CCDC69: variants seen among roughly 807,000 people sequenced by gnomAD.
CCDC69 encodes the protein coiled-coil domain-containing protein 69.
In CCDC69, 38 loss-of-function variants were observed where a neutral mutation model predicts 40.3. The ratio of observed to expected loss-of-function variants is 0.94; its 90% confidence interval spans 0.73 to 1.24. CCDC69 has a LOEUF of 1.24. CCDC69 is among the 50% of genes most tolerant of loss of function. The probability of loss-of-function intolerance (pLI) is 0.00; values close to 1 mark genes in which losing one functional copy is unlikely to be tolerated. For synonymous variants in CCDC69, 141 were observed against 138.9 expected (o/e 1.02, Z -0.11); for missense variants, 389 against 357.9 (o/e 1.09, Z -0.70).
At position 151,198,448 on chromosome 5, in the gene CCDC69, C is replaced by A. The variant is rs146792186; in HGVS notation, c.319+549G>T. On this transcript the variant is annotated intron_variant, in intron 4 of 8. Coordinates refer to ENST00000355417, the MANE Select transcript of CCDC69 (RefSeq NM_015621.3). The stretch of plus-strand genomic sequence containing the variant: ...CAGGTTAGTCTTGAACTCCTGGGCT[C>A]AAGCAATCTATCCACCTTGGACTCT... Among the ~76,000 whole-genome samples, 418 of 152,274 alleles carry A rather than the reference C, an allele frequency of 2.7e-3. 3 individuals carry two copies. Among genetic ancestry groups the A allele is most frequent in the African/African-American group, 9.7e-3 (403 of 41,544 alleles).
intron 5 of CCDC69, among the ~76,000 whole-genome samples, chr5:151,186,802 G>C (rs1024350478): frequency 1.3e-5 from 2 of 152,094 alleles, no homozygotes; most frequent in Non-Finnish European, 2.9e-5. Context: ...TGGCTCACTG[G>C]CTTCCACTCT....
intron 2 of CCDC69, among the ~76,000 whole-genome samples, chr5:151,203,236 G>A (rs1433479736): frequency 2.0e-5 from 3 of 151,902 alleles, no homozygotes; most frequent in South Asian, 2.1e-4. Flanking sequence ...TAGGCCAGGC[G>A]CGATGGCTCA....
chr5:151,183,552 C>T lies in CCDC69; in HGVS notation c.776G>A (p.Arg259Gln), dbSNP rs1350058011. The change falls in exon 9 of 9, where the codon CGA (arginine) becomes CAA (glutamine). Residue 259 changes from arginine to glutamine, a missense_variant. Coordinates refer to ENST00000355417, the MANE Select transcript of CCDC69 (RefSeq NM_015621.3). ...EALEKEVQLR[R>Q]QLQQEKEELL... ...CTCCTCCTTCTCCTGCTGGAGCTGTCGCCGCAGCTGCACCTCCTTCTCCAG... is the reference window on the plus strand; with the variant it reads ...CTCCTCCTTCTCCTGCTGGAGCTGTTGCCGCAGCTGCACCTCCTTCTCCAG... 2 of 1,611,606 alleles carry T rather than the reference C, an allele frequency of 1.2e-6. No homozygotes were observed. Among genetic ancestry groups the T allele is most frequent in the Non-Finnish European group, 8.5e-7 (1 of 1,179,272 alleles).
At chr5:151,203,581 AAT>A (rs1332926692) in intron 2 of CCDC69, among the ~76,000 whole-genome samples, 11 of 143,190 alleles carry the variant, frequency 7.7e-5, no homozygotes, top group Non-Finnish European at 1.4e-4. Context: ...ATATATAGTA[AAT>A]ATATATATTT....
At chr5:151,187,274 C>A in intron 5 of CCDC69, 112 bp downstream of exon 5, 5 of 858,138 alleles carry the variant, frequency 5.8e-6, no homozygotes, top group Non-Finnish European at 9.7e-6. Context: ...CACCTCAGCC[C>A]CTCACTCCTA....
At chr5:151,199,748 G>C (rs900829093) in intron 3 of CCDC69, among the ~76,000 whole-genome samples, 23 of 152,026 alleles carry the variant, frequency 1.5e-4, no homozygotes, top group African/African-American at 5.3e-4. Context: ...ACAATACCTG[G>C]GGCCCTTACA....
intron 7 of CCDC69, 61 bp from the exon 8 acceptor site, chr5:151,184,502 C>A: frequency 2.0e-6 from 2 of 1,023,358 alleles, no homozygotes; most frequent in South Asian, 1.3e-5. Flanking sequence ...TGTGTGCTGT[C>A]ACCTCCCTCT....
At position 151,183,428 on chromosome 5, in the gene CCDC69, C is replaced by G; in HGVS notation, c.*9G>C. The G allele has an allele frequency of 6.3e-7, 1 of 1,596,982 alleles. No homozygotes were observed. Among genetic ancestry groups the G allele is most frequent in the Non-Finnish European group, 8.5e-7 (1 of 1,173,366 alleles). On this transcript the variant is annotated 3_prime_UTR_variant, in exon 9 of 9. Transcript: ENST00000355417. ...CTTCAGGCGTCGTGGTGGGCCCAGG[C>G]CCTGCACCCTATGTGGCGAGGAAAG...
At chr5:151,216,929 G>C (rs1753052650) in intron 1 of CCDC69, among the ~76,000 whole-genome samples, 1 of 152,116 alleles carries the variant, frequency 6.6e-6, no homozygotes, top group Admixed American at 6.5e-5. Flanking sequence ...AGGTTGGGAA[G>C]GACGTGTGTG....
rs371392194 is a variant in CCDC69, at chr5:151,223,979, G to A, written c.-9C>T. 61 of 1,552,130 alleles carry A rather than the reference G, an allele frequency of 3.9e-5. No homozygotes were observed. The highest frequency in any genetic ancestry group is 4.5e-5 in the Non-Finnish European group (52 of 1,155,522). On this transcript the variant is annotated 5_prime_UTR_variant, in exon 1 of 9. Coordinates refer to ENST00000355417, the MANE Select transcript of CCDC69 (RefSeq NM_015621.3). ...CTGTGTCTGCAGCCCATCCTCCTCC[G>A]GGGGCTCCCGGACGCCGCTTCCCAA...
intron 1 of CCDC69, among the ~76,000 whole-genome samples, chr5:151,218,546 A>C (rs971084260): frequency 2.6e-5 from 4 of 152,204 alleles, no homozygotes; most frequent in African/African-American, 9.7e-5. Context: ...TGAATTTCAT[A>C]CTGAGACCCC....
chr5:151,220,704 G>A (rs771636570), intron 1 of CCDC69, among the ~76,000 whole-genome samples: 11 of 152,090 alleles, frequency 7.2e-5, no homozygotes, highest in East Asian at 1.9e-4. Flanking sequence ...CACAGCCTTC[G>A]GGAATGGAGA....
In CCDC69 at chr5:151,223,922, C is replaced by T; in HGVS notation, c.48+1G>A. On this transcript the variant is annotated splice_donor_variant, in intron 1 of 8. Coordinates refer to ENST00000355417, the MANE Select transcript of CCDC69 (RefSeq NM_015621.3). LOFTEE classifies it high-confidence loss of function. ...CAAACTTCTCCGCCGGCGCCCTTTA[C>T]CTTTTTCGGGGGTTTGCAGCTGCTC... is the stretch of plus-strand genomic sequence containing the variant. 6.3e-7 allele frequency: 1 copy of T among 1,586,916 alleles called. No homozygotes were observed. Among genetic ancestry groups the T allele is most frequent in the Non-Finnish European group, 8.6e-7 (1 of 1,168,618 alleles).
chr5:151,194,704 C>T (rs1752669700), intron 4 of CCDC69, among the ~76,000 whole-genome samples: 1 of 152,004 alleles, frequency 6.6e-6, no homozygotes, highest in African/African-American at 2.4e-5. Context: ...ACCAGCCTGA[C>T]CAAGATGGTG....
intron 4 of CCDC69, among the ~76,000 whole-genome samples, chr5:151,193,547 A>G (rs1343619235): frequency 2.6e-5 from 4 of 151,676 alleles, no homozygotes; most frequent in Non-Finnish European, 5.9e-5. Context: ...AAGACAGGAG[A>G]GGAGAGGAGA....
rs1196583284 is a variant in CCDC69 at position 151,182,897 on chromosome 5, C to A, written c.*540G>T. The A allele has an allele frequency of 8.0e-6, 3 of 377,186 alleles. No homozygotes were observed. The highest frequency in any genetic ancestry group is 1.5e-4 in the East Asian group (2 of 13,654). The allele number at this position is 377,186 out of a possible 1,614,324, so 23.4% of individuals were successfully genotyped here. ...TTGCGGGGTTTGTCCACACTCCCCCCAACCCCTACTCTGGCCTTCAGACAA... is the reference window on the plus strand; with the variant it reads ...TTGCGGGGTTTGTCCACACTCCCCCAAACCCCTACTCTGGCCTTCAGACAA... On this transcript the variant is annotated 3_prime_UTR_variant, in exon 9 of 9. Transcript: ENST00000355417.
Position 151,201,692 on chromosome 5 carries a change from GA to G in CCDC69, c.125-5del. On this transcript the variant is annotated splice_region_variant and splice_polypyrimidine_tract_variant and intron_variant, in intron 2 of 8. Transcript: ENST00000355417. ...GCACAGAGCTGGACAGTTATAGCTA[GA>G]GATGAAAAAGCAAAAAAATAAAAAT... 1 of 1,586,338 alleles carries G rather than the reference GA, an allele frequency of 6.3e-7. No individual in the cohort carries two copies. The highest frequency in any genetic ancestry group is 8.6e-7 in the Non-Finnish European group (1 of 1,167,154).
Position 151,182,947 on chromosome 5 carries a change from C to T in CCDC69, c.*490G>A, listed in dbSNP as rs984571756. On this transcript the variant is annotated 3_prime_UTR_variant, in exon 9 of 9. Coordinates refer to ENST00000355417, the MANE Select transcript of CCDC69 (RefSeq NM_015621.3). ...ATCCTAGAATGGGACACTGCAGTGACATAAGAGTCCTTTGACCAGTCCCCC... is the reference window on the plus strand; with the variant it reads ...ATCCTAGAATGGGACACTGCAGTGATATAAGAGTCCTTTGACCAGTCCCCC... 8 of 434,098 alleles carry T rather than the reference C, an allele frequency of 1.8e-5. No homozygotes were observed. The highest frequency in any genetic ancestry group is 3.7e-5 in the Non-Finnish European group (8 of 214,094). The allele number at this position is 434,098 out of a possible 1,614,324, so 26.9% of individuals were successfully genotyped here. A position where few individuals can be genotyped will look rare whatever the true frequency, so the allele number is the denominator to read the frequency against.
intron 4 of CCDC69, among the ~76,000 whole-genome samples, chr5:151,198,463 C>T (rs1752732096): frequency 6.6e-6 from 1 of 152,196 alleles, no homozygotes; most frequent in Non-Finnish European, 1.5e-5. Context: ...AATCTATCCA[C>T]CTTGGACTCT....
Sources: gnomAD v4.1 joint callset for allele counts (sites outside exome capture counted in the v4.1 genomes callset) on GRCh38, gnomAD v4.1.1 for gene constraint, MANE v1.5 for transcripts, NCBI Gene and HGNC (gene_info 2026-07-23, HGNC 2026-07-21) for gene names.